The following GCH1 variants were observed in gnomAD, a reference collection of about 807,000 sequenced individuals.
The protein encoded by GCH1 is GTP cyclohydrolase 1.
Under a neutral mutation model 25.9 loss-of-function variants are expected in GCH1, and 5 were observed. The ratio of observed to expected loss-of-function variants is 0.19; its 90% CI spans 0.10 to 0.41. GCH1 has a LOEUF of 0.41. Among genes scored for constraint, GCH1 ranks in the 10% least tolerant of loss-of-function variants. GCH1 has a pLI of 1.00. For synonymous variants in GCH1, 159 were observed against 129.6 expected, an observed-to-expected ratio of 1.23 and a Z score of -1.54; for missense variants, 261 against 336.5, an observed-to-expected ratio of 0.78 and a Z score of 1.75.
intron 1 of GCH1, among the ~76,000 whole-genome samples, chr14:54,899,829 T>C (rs993696989): frequency 2.0e-5 from 3 of 151,784 alleles, no homozygotes; most frequent in African/African-American, 7.3e-5. Context: ...CGCCAGTCCC[T>C]GACAACTACT....
chr14:54,886,378 C>G (rs369002930), intron 1 of GCH1, among the ~76,000 whole-genome samples: 1 of 150,816 alleles, frequency 6.6e-6, no homozygotes, highest in South Asian at 2.1e-4. Context: ...TTTGGGAGGC[C>G]GAGGCCGGTG....
At position 54,843,290 on chromosome 14, in the gene GCH1, T is replaced by C. The variant is rs138578359; in HGVS notation, c.*727A>G. The stretch of plus-strand genomic sequence containing the variant: ...AAAAGTATCTACACTCTAAATGATA[T>C]TCTTATCAAGGCACAGAGAGTTAAA... On this transcript the variant is annotated 3_prime_UTR_variant, in exon 6 of 6. Coordinates refer to ENST00000491895, the MANE Select transcript of GCH1 (RefSeq NM_000161.3). The C allele has an allele frequency of 1.2e-4, 160 of 1,359,262 alleles. No individual in the cohort carries two copies. In the East Asian group the frequency reaches 4.4e-3, roughly 37 times the overall value. The allele number at this position is 1,359,262 out of a possible 1,614,324, so 84.2% of individuals were successfully genotyped here.
chr14:54,860,123 G>T (rs2039872528), intron 2 of GCH1, among the ~76,000 whole-genome samples: 1 of 152,106 alleles, frequency 6.6e-6, no homozygotes, highest in African/African-American at 2.4e-5. Context: ...TACAGGTTTT[G>T]TATCCTGCAA....
At chr14:54,893,437 T>C (rs1381684772) in intron 1 of GCH1, among the ~76,000 whole-genome samples, 1 of 152,112 alleles carries the variant, frequency 6.6e-6, no homozygotes, top group Non-Finnish European at 1.5e-5. Flanking sequence ...ATGAGTCAGG[T>C]GGGGAATGCC....
rs559296732 is a variant in GCH1, at chr14:54,898,452, C to T, written c.343+3869G>A. On this transcript the variant is annotated intron_variant, in intron 1 of 5. Transcript: ENST00000491895. ...ACTTTATAAACACTGTACACTTGGGCTACACTAAACATATTTTTTCTTCAA... is the reference window on the plus strand; with the variant it reads ...ACTTTATAAACACTGTACACTTGGGTTACACTAAACATATTTTTTCTTCAA... 3.9e-5 allele frequency among the ~76,000 whole-genome samples: 6 copies of T among 152,108 alleles called. No homozygotes were observed. In the South Asian group the frequency reaches 1.2e-3, roughly 32 times the overall value.
rs78471670 is a variant in GCH1, at chr14:54,888,679, A to T, written c.343+13642T>A. Among the ~76,000 whole-genome samples, 488 of 138,468 alleles carry T rather than the reference A, an allele frequency of 3.5e-3. 1 individual carries two copies. Among genetic ancestry groups the T allele is most frequent in the African/African-American group, 0.012 (454 of 37,944 alleles). 90.8% of individuals were successfully genotyped at this position (138,468 alleles called of 152,430 possible). A position where few individuals can be genotyped will look rare whatever the true frequency, so the allele number is the denominator to read the frequency against. ...AGGCGCCCACAACCACGCCCGGCTA[A>T]TTTTTTTTTTTTTTTTTGTATTTTT... On this transcript the variant is annotated intron_variant, in intron 1 of 5. Coordinates refer to ENST00000491895, the MANE Select transcript of GCH1 (RefSeq NM_000161.3).
intron 1 of GCH1, among the ~76,000 whole-genome samples, chr14:54,879,052 G>A (rs754444422): frequency 9.9e-5 from 15 of 152,028 alleles, no homozygotes; most frequent in Non-Finnish European, 1.9e-4. Flanking sequence ...GAGCCACCAC[G>A]CTGGACCAAT....
intron 3 of GCH1, among the ~76,000 whole-genome samples, chr14:54,858,280 CTCT>C (rs1265841978): frequency 6.6e-6 from 1 of 151,980 alleles, no homozygotes; most frequent in Non-Finnish European, 1.5e-5. Context: ...TCATTTATTC[CTCT>C]TCTTTTATTT....
chr14:54,870,539 G>C (rs116275361), intron 1 of GCH1, among the ~76,000 whole-genome samples: 3,848 of 152,268 alleles, frequency 0.025, 159 homozygotes, highest in African/African-American at 0.088. Flanking sequence ...GTGAGCCAAA[G>C]CAGGGCGAGG....
At chr14:54,863,561 A>C (rs2039946813) in intron 2 of GCH1, among the ~76,000 whole-genome samples, 1 of 151,536 alleles carries the variant, frequency 6.6e-6, no homozygotes, top group South Asian at 2.1e-4. Context: ...CAGAATAGAT[A>C]AATTGTGGTA....
intron 1 of GCH1, among the ~76,000 whole-genome samples, chr14:54,890,156 G>A (rs1025894126): frequency 6.6e-6 from 1 of 152,230 alleles, no homozygotes; most frequent in Non-Finnish European, 1.5e-5. Flanking sequence ...AGAACTTTGT[G>A]AGCATGATTA....
chr14:54,864,897 G>A (rs1298975057), intron 2 of GCH1, among the ~76,000 whole-genome samples: 2 of 152,136 alleles, frequency 1.3e-5, no homozygotes, highest in African/African-American at 4.8e-5. Context: ...AAGAAATTCT[G>A]CAATTATTGT....
At chr14:54,867,842 C>CA in intron 1 of GCH1, among the ~76,000 whole-genome samples, 1 of 152,082 alleles carries the variant, frequency 6.6e-6, no homozygotes, top group Non-Finnish European at 1.5e-5. Flanking sequence ...ATCTCCCATG[C>CA]ATATTGAGGT....
At chr14:54,851,444 A>C (rs1279770837) in intron 3 of GCH1, among the ~76,000 whole-genome samples, 1 of 152,242 alleles carries the variant, frequency 6.6e-6, no homozygotes, top group Non-Finnish European at 1.5e-5. Flanking sequence ...CAACCTACAG[A>C]ATGGGAGAAA....
chr14:54,883,029 G>A (rs2040293448), intron 1 of GCH1, among the ~76,000 whole-genome samples: 2 of 152,124 alleles, frequency 1.3e-5, no homozygotes, highest in African/African-American at 4.8e-5. Flanking sequence ...GTGACTGGCT[G>A]GGGTGGGAGC....
chr14:54,864,032 T>C (rs964366164), intron 2 of GCH1, among the ~76,000 whole-genome samples: 10 of 152,152 alleles, frequency 6.6e-5, no homozygotes, highest in Admixed American at 3.3e-4. Context: ...GTAATTTTTA[T>C]TTTTATCTTG....
chr14:54,848,647 G>A (rs923531794), intron 3 of GCH1, among the ~76,000 whole-genome samples: 3 of 151,974 alleles, frequency 2.0e-5, no homozygotes, highest in African/African-American at 7.3e-5. Flanking sequence ...CCAACAACTT[G>A]CTCCTTTATA....
At chr14:54,867,633 A>G (rs1286250171) in intron 1 of GCH1, among the ~76,000 whole-genome samples, 2 of 147,940 alleles carry the variant, frequency 1.4e-5, no homozygotes, top group Non-Finnish European at 3.0e-5. Context: ...TCCATCACTT[A>G]CTAGTTATTA....
At chr14:54,900,906 C>T (rs2040557546) in intron 1 of GCH1, among the ~76,000 whole-genome samples, 1 of 150,688 alleles carries the variant, frequency 6.6e-6, no homozygotes, top group African/African-American at 2.4e-5. Context: ...AAGCCCTAGA[C>T]CTCCAAAGAG....
Sources: allele counts gnomAD v4.1 joint callset (sites outside exome capture counted in the v4.1 genomes callset), GRCh38; gene constraint gnomAD v4.1.1; transcripts MANE v1.5; gene names NCBI Gene and HGNC (gene_info 2026-07-23, HGNC 2026-07-21).